CUX1: variants seen among roughly 807,000 people sequenced by gnomAD.
CUX1 encodes protein CASP.
A neutral mutation model predicts 158.8 loss-of-function variants in CUX1; 31 were observed. The observed-to-expected ratio is 0.20, with a 90% CI of 0.15 to 0.26. The LOEUF (loss-of-function observed/expected upper bound fraction) is 0.26. CUX1 is among the 10% of genes least tolerant of loss of function. CUX1 has a pLI of 1.00. For synonymous variants in CUX1, 879 were observed against 862.1 expected, an observed-to-expected ratio of 1.02 and a Z score of -0.34; for missense variants, 1,589 against 2,014.6, an observed-to-expected ratio of 0.79 and a Z score of 4.04.
At chr7:101,977,441 C>T (rs1266498188) in intron 2 of CUX1, among the ~76,000 whole-genome samples, 2 of 152,186 alleles carry the variant, frequency 1.3e-5, no homozygotes, top group Middle Eastern at 3.4e-3. Context: ...TAAAAGGATT[C>T]CCCAGCCTGG....
intron 2 of CUX1, among the ~76,000 whole-genome samples, chr7:101,993,196 G>C (rs1241103253): frequency 1.3e-5 from 2 of 152,178 alleles, no homozygotes; most frequent in Non-Finnish European, 2.9e-5. Context: ...CCGGGTGTGT[G>C]GTGGGTACCA....
At chr7:102,058,182 TAG>T (rs1460197622) in intron 3 of CUX1, among the ~76,000 whole-genome samples, 1 of 152,246 alleles carries the variant, frequency 6.6e-6, no homozygotes, top group East Asian at 1.9e-4. Flanking sequence ...ACATACTTAA[TAG>T]ACTATGATAC....
rs1208956982 is a variant in CUX1 at position 102,104,512 on chromosome 7, T to C, written c.530+53T>C. On this transcript the variant is annotated intron_variant, in intron 6 of 23. Transcript: ENST00000292535. ...ACTGACATAGCATTTGCCCCTGAAC[T>C]TCACATCATCAGACATGTTGATAAA... 3.1e-6 allele frequency: 5 copies of C among 1,591,670 alleles called. No homozygotes were observed. In the East Asian group the frequency reaches 1.1e-4, roughly 36 times the overall value.
chr7:102,256,141 T>C lies in CUX1; in HGVS notation c.*7099T>C. On this transcript the variant is annotated 3_prime_UTR_variant, in exon 24 of 24. Coordinates refer to ENST00000292535, the MANE Select transcript of CUX1 (RefSeq NM_181552.4). ...GCCCGCGGGCTCTGGCCGGAGCCGC[T>C]GGCCTGACGAGGCAGGATAGGGAGT... is the stretch of plus-strand genomic sequence containing the variant. The C allele has an allele frequency of 5.1e-6, 5 of 985,444 alleles. No homozygotes were observed. The highest frequency in any genetic ancestry group is 6.0e-6 in the Non-Finnish European group (5 of 829,950). The allele number at this position is 985,444 out of a possible 1,614,324, so 61.0% of individuals were successfully genotyped here.
In CUX1 at chr7:102,252,538, A is replaced by G; in HGVS notation, c.*3496A>G. ...TTTTTGTTAATTGGAGGCATTGTTC[A>G]TAACTTAAGGCTTTTGCCATTAACT... On this transcript the variant is annotated 3_prime_UTR_variant, in exon 24 of 24. Coordinates refer to ENST00000292535, the MANE Select transcript of CUX1 (RefSeq NM_181552.4). 4.1e-6 allele frequency: 4 copies of G among 985,478 alleles called. No homozygotes were observed. The South Asian group carries it at 1.4e-4, about 35-fold the overall frequency. The allele number at this position is 985,478 out of a possible 1,614,324, so 61.0% of individuals were successfully genotyped here. A position where few individuals can be genotyped will look rare whatever the true frequency, so the allele number is the denominator to read the frequency against.
Position 102,250,422 on chromosome 7 carries a change from A to G in CUX1, c.*1380A>G. 1.0e-6 allele frequency: 1 copy of G among 985,412 alleles called. No individual in the cohort carries two copies. The highest frequency in any genetic ancestry group is 1.2e-6 in the Non-Finnish European group (1 of 829,946). 61.0% of individuals were successfully genotyped at this position (985,412 alleles called of 1,614,324 possible). A position where few individuals can be genotyped will look rare whatever the true frequency, so the allele number is the denominator to read the frequency against. ...ATGAACTGAGCCCTCCCAGGGGAAGACACTCCCCAGGCCTGGGCAGGGCTT... is the reference window on the plus strand; with the variant it reads ...ATGAACTGAGCCCTCCCAGGGGAAGGCACTCCCCAGGCCTGGGCAGGGCTT... On this transcript the variant is annotated 3_prime_UTR_variant, in exon 24 of 24. Coordinates refer to ENST00000292535, the MANE Select transcript of CUX1 (RefSeq NM_181552.4).
At chr7:101,992,207 T>C (rs1293361064) in intron 2 of CUX1, among the ~76,000 whole-genome samples, 1 of 152,086 alleles carries the variant, frequency 6.6e-6, no homozygotes, top group Non-Finnish European at 1.5e-5. Flanking sequence ...ACTGAGCTCC[T>C]TAAAGCACAG....
intron 1 of CUX1, among the ~76,000 whole-genome samples, chr7:101,843,733 G>A (rs899401503): frequency 1.6e-4 from 25 of 152,190 alleles, no homozygotes; most frequent in African/African-American, 6.0e-4. Flanking sequence ...CCTTCAGCCT[G>A]TTGAGATCGT....
chr7:101,990,857 G>C (rs941129534), intron 2 of CUX1, among the ~76,000 whole-genome samples: 3 of 152,162 alleles, frequency 2.0e-5, no homozygotes, highest in African/African-American at 7.2e-5. Flanking sequence ...TTCTCCCCTG[G>C]CTCTGAGCCC....
In CUX1 at chr7:102,250,536, G is replaced by C; in HGVS notation, c.*1494G>C. ...AACTCGTGGGAAACTTCCTTTCTCT[G>C]CAGGAGAGAGAACGTGGCATTCTGG... On this transcript the variant is annotated 3_prime_UTR_variant, in exon 24 of 24. Coordinates refer to ENST00000292535, the MANE Select transcript of CUX1 (RefSeq NM_181552.4). The C allele has an allele frequency of 2.0e-6, 2 of 985,420 alleles. No individual in the cohort carries two copies. The highest frequency in any genetic ancestry group is 1.2e-6 in the Non-Finnish European group (1 of 829,952). 61.0% of individuals were successfully genotyped at this position (985,420 alleles called of 1,614,324 possible). A position where few individuals can be genotyped will look rare whatever the true frequency, so the allele number is the denominator to read the frequency against.
At chr7:101,929,777 A>T (rs1173223116) in intron 2 of CUX1, among the ~76,000 whole-genome samples, 1 of 152,164 alleles carries the variant, frequency 6.6e-6, no homozygotes, top group Non-Finnish European at 1.5e-5. Flanking sequence ...CCGGGCAGAC[A>T]GACTCCTGGG....
At chr7:101,873,370 T>C (rs1321525064) in intron 1 of CUX1, among the ~76,000 whole-genome samples, 1 of 127,954 alleles carries the variant, frequency 7.8e-6, no homozygotes, top group Non-Finnish European at 1.6e-5. Context: ...TTATTTTTTA[T>C]AGAGACAGGG....
intron 21 of CUX1, 53 bp downstream of exon 21, chr7:102,227,722 G>A: frequency 6.4e-7 from 1 of 1,565,188 alleles, no homozygotes; most frequent in African/African-American, 1.3e-5. Flanking sequence ...GTTTGCAGGA[G>A]GAGCAGGTGA....
chr7:101,965,803 C>T (rs890569516), intron 2 of CUX1, among the ~76,000 whole-genome samples: 1 of 130,664 alleles, frequency 7.7e-6, no homozygotes, highest in Non-Finnish European at 1.6e-5. Flanking sequence ...GAGCCGAGAT[C>T]GCACCACTGC....
In CUX1 at chr7:102,249,846, A is replaced by G. The variant is rs1554539241; in HGVS notation, c.*804A>G. On this transcript the variant is annotated 3_prime_UTR_variant, in exon 24 of 24. Transcript: ENST00000292535. ...TTGAAACTTTGAATTAAAATAAAAC[A>G]CATTTACTCCACATATTTTTTAACA... is the stretch of plus-strand genomic sequence containing the variant. The G allele has an allele frequency of 1.0e-6, 1 of 985,530 alleles. No individual in the cohort carries two copies. The highest frequency in any genetic ancestry group is 1.2e-6 in the Non-Finnish European group (1 of 829,758). 61.0% of individuals were successfully genotyped at this position (985,530 alleles called of 1,614,324 possible). A position where few individuals can be genotyped will look rare whatever the true frequency, so the allele number is the denominator to read the frequency against.
rs577335854 is a variant in CUX1, at chr7:101,843,087, C to T, written c.30+25418C>T. 1.1e-3 allele frequency among the ~76,000 whole-genome samples: 161 copies of T among 151,556 alleles called. 2 individuals carry two copies. The highest frequency in any genetic ancestry group is 1.9e-3 in the Non-Finnish European group (130 of 67,870). On this transcript the variant is annotated intron_variant, in intron 1 of 23. Transcript: ENST00000292535. ...TTCACCGTGTTAGCCAGGATGGTCT[C>T]GATCTCCTGACCTCATGATCCGCCC...
intron 1 of CUX1, among the ~76,000 whole-genome samples, chr7:101,870,093 C>T (rs1318170396): frequency 1.3e-5 from 2 of 150,514 alleles, no homozygotes; most frequent in Admixed American, 1.3e-4. Context: ...CTCTTTGTAG[C>T]TGTCTCACCC....
chr7:102,053,314 G>A (rs1302528486), intron 3 of CUX1, among the ~76,000 whole-genome samples: 1 of 151,946 alleles, frequency 6.6e-6, no homozygotes, highest in African/African-American at 2.4e-5. Context: ...TTTAATTTTT[G>A]TGGGGATGTA....
rs970036361 is a variant in CUX1 at position 102,258,092 on chromosome 7, C to T, written c.*9050C>T. On this transcript the variant is annotated 3_prime_UTR_variant, in exon 24 of 24. Transcript: ENST00000292535. ...GTCCCTCTGTCTTTGGTTAGCCATA[C>T]GATGTTTGTTCTCAGCACTGTACAA... 1 of 985,226 alleles carries T rather than the reference C, an allele frequency of 1.0e-6. No homozygotes were observed. The highest frequency in any genetic ancestry group is 5.2e-4 in the Middle Eastern group (1 of 1,914). The allele number at this position is 985,226 out of a possible 1,614,324, so 61.0% of individuals were successfully genotyped here. A position where few individuals can be genotyped will look rare whatever the true frequency, so the allele number is the denominator to read the frequency against.
Sources: allele counts gnomAD v4.1 joint callset (sites outside exome capture counted in the v4.1 genomes callset), GRCh38; gene constraint gnomAD v4.1.1; transcripts MANE v1.5; gene names NCBI Gene and HGNC (gene_info 2026-07-23, HGNC 2026-07-21).